Variants in YTHDF3 observed in about 807,000 individuals in gnomAD.
YTHDF3 encodes YTH domain-containing family protein 3.
In YTHDF3, 9 loss-of-function variants were observed where a neutral mutation model predicts 52.5. The ratio of observed to expected loss-of-function variants is 0.17; its 90% CI spans 0.10 to 0.30. YTHDF3 has a LOEUF of 0.30. YTHDF3 is among the 10% of genes least tolerant of loss of function. The pLI is 1.00. For missense variants in YTHDF3, 534 were observed against 715.0 expected (o/e 0.75, Z 2.89); for synonymous variants, 274 against 243.3 (o/e 1.13, Z -1.18).
chr8:63,172,858 A>G (rs1563391400), intron 2 of YTHDF3: 1 of 1,187,410 alleles, frequency 8.4e-7, no homozygotes, highest in Non-Finnish European at 1.1e-6. Context: ...ACTAGCTTGG[A>G]TTTCATTTCT....
chr8:63,202,462 CTTTT>C (rs5891892), intron 4 of YTHDF3, among the ~76,000 whole-genome samples: 3 of 128,024 alleles, frequency 2.3e-5, no homozygotes, highest in Non-Finnish European at 1.6e-5. Context: ...TTGTTCTACT[CTTTT>C]TTTTTTTTTT....
In YTHDF3 at chr8:63,196,705, T is replaced by G. The variant is rs1460236835; in HGVS notation, c.1734+8960T>G. Among the ~76,000 whole-genome samples the G allele has an allele frequency of 5.9e-5, 9 of 152,084 alleles. No individual in the cohort carries two copies. The East Asian group carries it at 1.7e-3, about 29-fold the overall frequency. On this transcript the variant is annotated intron_variant, in intron 4 of 4. Coordinates refer to ENST00000539294, the MANE Select transcript of YTHDF3 (RefSeq NM_152758.6). ...TGGATACTCAAATTTAAAATCTTATTTTTGGGTTGAGAGGGGTGGAGAGGA... is the reference window on the plus strand; with the variant it reads ...TGGATACTCAAATTTAAAATCTTATGTTTGGGTTGAGAGGGGTGGAGAGGA...
intron 4 of YTHDF3, among the ~76,000 whole-genome samples, chr8:63,200,682 A>T (rs1809569172): frequency 6.6e-6 from 1 of 152,178 alleles, no homozygotes; most frequent in African/African-American, 2.4e-5. Context: ...AGTGTTTGTT[A>T]TGATTATCAG....
intron 2 of YTHDF3, among the ~76,000 whole-genome samples, chr8:63,171,125 C>A (rs1157076803): frequency 6.6e-6 from 1 of 152,008 alleles, no homozygotes; most frequent in Non-Finnish European, 1.5e-5. Flanking sequence ...CTTTCTTTCC[C>A]CCTTGTTGTT....
chr8:63,187,265 G>A lies in YTHDF3; in HGVS notation c.1254G>A (p.Val418=), dbSNP rs1224384576. ...DFDWNLKNGR[V]FIIKSYSEDD... is the part of the protein sequence containing the mutation. ...ATTGGAATCTGAAGAATGGACGTGTGTTTATAATTAAAAGCTACTCTGAGG... is the reference window on the plus strand; with the variant it reads ...ATTGGAATCTGAAGAATGGACGTGTATTTATAATTAAAAGCTACTCTGAGG... The change falls in exon 4 of 5, where the codon GTG becomes GTA. Residue 418 remains valine (V), a synonymous_variant. Coordinates refer to ENST00000539294, the MANE Select transcript of YTHDF3 (RefSeq NM_152758.6). 1 of 1,613,716 alleles carries A rather than the reference G, an allele frequency of 6.2e-7. No homozygotes were observed. Among genetic ancestry groups the A allele is most frequent in the African/African-American group, 1.3e-5 (1 of 74,908 alleles).
chr8:63,179,223 CTTTT>C (rs772611014), intron 3 of YTHDF3, among the ~76,000 whole-genome samples: 1 of 138,932 alleles, frequency 7.2e-6, no homozygotes, highest in Admixed American at 7.2e-5. Flanking sequence ...TCCTTCATTT[CTTTT>C]TTTTTTTTTT....
chr8:63,207,207 G>A (rs992365624), intron 4 of YTHDF3, among the ~76,000 whole-genome samples: 9 of 152,190 alleles, frequency 5.9e-5, no homozygotes, highest in Middle Eastern at 3.4e-3. Flanking sequence ...CTCCAACAGT[G>A]GTTTTGACTT....
At chr8:63,204,327 G>T (rs571952467) in intron 4 of YTHDF3, among the ~76,000 whole-genome samples, 1 of 150,094 alleles carries the variant, frequency 6.7e-6, no homozygotes, top group African/African-American at 2.4e-5. Flanking sequence ...TGAAAATCAA[G>T]ATTCTTAGCT....
chr8:63,179,945 C>T (rs1175617972), intron 3 of YTHDF3, among the ~76,000 whole-genome samples: 1 of 150,936 alleles, frequency 6.6e-6, no homozygotes, highest in Non-Finnish European at 1.5e-5. Context: ...CCCTCACCTC[C>T]CGGACGGGGC....
At chr8:63,201,520 A>G (rs1327665912) in intron 4 of YTHDF3, among the ~76,000 whole-genome samples, 2 of 152,236 alleles carry the variant, frequency 1.3e-5, no homozygotes, top group African/African-American at 2.4e-5. Flanking sequence ...GTTAATAAAT[A>G]TAATTTACCA....
At chr8:63,209,607 A>T in intron 4 of YTHDF3, 76 bp from the exon 5 acceptor site, 2 of 1,364,214 alleles carry the variant, frequency 1.5e-6, no homozygotes, top group East Asian at 5.0e-5. Flanking sequence ...TTATATGTGC[A>T]TATAGTTTAA....
At chr8:63,172,639 C>T (rs932683160) in intron 2 of YTHDF3, 7 of 474,882 alleles carry the variant, frequency 1.5e-5, no homozygotes, top group Non-Finnish European at 2.4e-5. Context: ...ATGGTATTGT[C>T]GCTGTTTTTG....
Position 63,187,274 on chromosome 8 carries a change from T to A in YTHDF3, c.1263T>A (p.Ile421=). 2 of 1,614,014 alleles carry A rather than the reference T, an allele frequency of 1.2e-6. No homozygotes were observed. Among genetic ancestry groups the A allele is most frequent in the East Asian group, 2.2e-5 (1 of 44,890 alleles). The change falls in exon 4 of 5, where the codon ATT becomes ATA. Residue 421 remains isoleucine, a synonymous_variant. Coordinates refer to ENST00000539294, the MANE Select transcript of YTHDF3 (RefSeq NM_152758.6). ...TGAAGAATGGACGTGTGTTTATAAT[T>A]AAAAGCTACTCTGAGGATGACATAC... ...WNLKNGRVFI[I]KSYSEDDIHR...
intron 4 of YTHDF3, among the ~76,000 whole-genome samples, chr8:63,193,957 G>A (rs1339604706): frequency 6.6e-6 from 1 of 151,760 alleles, no homozygotes; most frequent in Non-Finnish European, 1.5e-5. Flanking sequence ...TTATAATTCA[G>A]CAGTTGTTTT....
intron 1 of YTHDF3, chr8:63,169,155 G>A: frequency 4.2e-6 from 6 of 1,415,936 alleles, no homozygotes; most frequent in Non-Finnish European, 4.6e-6. Context: ...CCTGAGGGCG[G>A]CAGACATGGG....
chr8:63,171,267 C>T (rs1317062846), intron 2 of YTHDF3, among the ~76,000 whole-genome samples: 2 of 152,100 alleles, frequency 1.3e-5, no homozygotes, highest in Non-Finnish European at 2.9e-5. Context: ...CAGAATCTCC[C>T]CTCTATAAAA....
Position 63,187,322 on chromosome 8 carries a change from C to A in YTHDF3, c.1311C>A (p.Ile437=). Residue 437 remains isoleucine, a synonymous_variant, in exon 4 of 5, where the codon ATC becomes ATA. Coordinates refer to ENST00000539294, the MANE Select transcript of YTHDF3 (RefSeq NM_152758.6). ...TACATCGTTCCATTAAATACTCTAT[C>A]TGGTGTAGTACTGAGCATGGTAATA... ...DDIHRSIKYS[I]WCSTEHGNKR... The A allele has an allele frequency of 1.9e-6, 3 of 1,614,044 alleles. No homozygotes were observed. The highest frequency in any genetic ancestry group is 2.5e-6 in the Non-Finnish European group (3 of 1,179,898).
intron 2 of YTHDF3, 71 bp from the exon 3 acceptor site, chr8:63,175,260 T>G: frequency 8.7e-7 from 1 of 1,150,544 alleles, no homozygotes. Context: ...TGAAAAATAT[T>G]AAAAACATTA....
At chr8:63,172,388 G>A (rs1368262232) in intron 2 of YTHDF3, among the ~76,000 whole-genome samples, 2 of 151,804 alleles carry the variant, frequency 1.3e-5, no homozygotes, top group African/African-American at 2.4e-5. Flanking sequence ...CCTCCTCTCC[G>A]CTCTCTTCCA....
Sources: gnomAD v4.1 joint callset for allele counts (sites outside exome capture counted in the v4.1 genomes callset) on GRCh38, gnomAD v4.1.1 for gene constraint, MANE v1.5 for transcripts, NCBI Gene and HGNC (gene_info 2026-07-23, HGNC 2026-07-21) for gene names.